Variants in EVA1C observed in about 807,000 individuals in gnomAD.
The protein encoded by EVA1C is eva-1 homolog C.
Under a neutral mutation model 45.4 loss-of-function variants are expected in EVA1C, and 25 were observed. The observed-to-expected ratio is 0.55, with a 90% CI of 0.40 to 0.77. EVA1C has a LOEUF of 0.77. EVA1C is among the 30% of genes least tolerant of loss of function. EVA1C has a pLI of 0.00. For missense variants in EVA1C, 479 were observed against 554.8 expected (o/e 0.86, Z 1.37); for synonymous variants, 190 against 221.2 (o/e 0.86, Z 1.25).
At chr21:32,439,530 C>T (rs1245468239) in intron 1 of EVA1C, among the ~76,000 whole-genome samples, 1 of 152,184 alleles carries the variant, frequency 6.6e-6, no homozygotes, top group Non-Finnish European at 1.5e-5. Flanking sequence ...ATGCTGTGAC[C>T]TTCCCTCATT....
rs140741987 is a variant in EVA1C, at chr21:32,502,201, C to T, written c.859+706C>T. Among the ~76,000 whole-genome samples, 167 of 151,970 alleles carry T rather than the reference C, an allele frequency of 1.1e-3. 1 individual carries two copies. The highest frequency in any genetic ancestry group is 7.1e-3 in the Admixed American group (109 of 15,246). The stretch of plus-strand genomic sequence containing the variant: ...TGCAACCTCTGCCTCCGGGTTCAAG[C>T]GATTCTCCTGCCTCAGCCTCCCAAG... On this transcript the variant is annotated intron_variant, in intron 6 of 7. Coordinates refer to ENST00000300255, the MANE Select transcript of EVA1C (RefSeq NM_058187.5).
chr21:32,447,757 G>A (rs568203045), intron 1 of EVA1C, among the ~76,000 whole-genome samples: 16 of 152,060 alleles, frequency 1.1e-4, no homozygotes, highest in South Asian at 2.1e-4. Flanking sequence ...CTAGCCTGGC[G>A]TGCAATGGCG....
chr21:32,478,232 T>A (rs771065884), intron 4 of EVA1C, among the ~76,000 whole-genome samples: 38 of 151,510 alleles, frequency 2.5e-4, no homozygotes, highest in South Asian at 2.1e-3. Context: ...ATATATATAT[T>A]TTTTGAGACC....
chr21:32,449,126 C>A (rs2035481581), intron 1 of EVA1C, among the ~76,000 whole-genome samples: 2 of 152,180 alleles, frequency 1.3e-5, no homozygotes, highest in African/African-American at 4.8e-5. Flanking sequence ...ACCTGCCACA[C>A]ACATACACAC....
chr21:32,502,282 A>G (rs572114896), intron 6 of EVA1C, among the ~76,000 whole-genome samples: 17 of 152,034 alleles, frequency 1.1e-4, no homozygotes, highest in South Asian at 8.3e-4. Context: ...TGTTTTTAGT[A>G]GAGACGGGGT....
chr21:32,455,395 C>T (rs1201311146), intron 2 of EVA1C, among the ~76,000 whole-genome samples: 1 of 152,146 alleles, frequency 6.6e-6, no homozygotes, highest in Non-Finnish European at 1.5e-5. Context: ...CTTAAAGACT[C>T]CACCTGTTAA....
chr21:32,485,062 G>A (rs945292011), intron 4 of EVA1C, among the ~76,000 whole-genome samples: 6 of 152,064 alleles, frequency 3.9e-5, no homozygotes, highest in African/African-American at 1.2e-4. Flanking sequence ...AGACGCATGC[G>A]TCTTCCTCTG....
chr21:32,459,981 C>A (rs1259530534), intron 3 of EVA1C, among the ~76,000 whole-genome samples: 2 of 151,958 alleles, frequency 1.3e-5, no homozygotes, highest in African/African-American at 2.4e-5. Flanking sequence ...TTGAGAAAAA[C>A]CAGCCTCTAA....
chr21:32,462,170 G>C (rs117739095), intron 3 of EVA1C, among the ~76,000 whole-genome samples: 1,692 of 150,586 alleles, frequency 0.011, 15 homozygotes, highest in Non-Finnish European at 0.018. Flanking sequence ...AGAATCATTT[G>C]AGGCCAGTCA....
intron 1 of EVA1C, among the ~76,000 whole-genome samples, chr21:32,437,248 C>T (rs1257098362): frequency 6.6e-6 from 1 of 152,226 alleles, no homozygotes; most frequent in Non-Finnish European, 1.5e-5. Flanking sequence ...AAGCCAAGCT[C>T]CGGGTCCCTC....
At position 32,495,136 on chromosome 21, in the gene EVA1C, C is replaced by A. The variant is rs200775525; in HGVS notation, c.744C>A (p.Gly248=). The change falls in exon 5 of 8, where the codon GGC becomes GGA. Residue 248 remains glycine, a synonymous_variant. Coordinates refer to ENST00000300255, the MANE Select transcript of EVA1C (RefSeq NM_058187.5). ...ATTTTGGAAGCCCCTGTTTGCCAGG[C>A]GTGAAAAAATACCTCACTGTGACCT... ...NHHFGSPCLP[G]VKKYLTVTYA... The A allele has an allele frequency of 1.9e-6, 3 of 1,613,930 alleles. No homozygotes were observed. The highest frequency in any genetic ancestry group is 1.3e-5 in the African/African-American group (1 of 74,872).
intron 1 of EVA1C, among the ~76,000 whole-genome samples, chr21:32,444,884 GA>G (rs1370596912): frequency 6.7e-6 from 1 of 149,748 alleles, no homozygotes; most frequent in Non-Finnish European, 1.5e-5. Flanking sequence ...GGAAACACGT[GA>G]AAGATCAAAT....
chr21:32,436,663 C>T (rs1002325680), intron 1 of EVA1C, among the ~76,000 whole-genome samples: 2 of 152,290 alleles, frequency 1.3e-5, no homozygotes, highest in Admixed American at 6.5e-5. Flanking sequence ...CAGCATCTCT[C>T]GCAGACTCCG....
intron 1 of EVA1C, among the ~76,000 whole-genome samples, chr21:32,438,761 G>C (rs1387015357): frequency 6.6e-6 from 1 of 152,128 alleles, no homozygotes; most frequent in Non-Finnish European, 1.5e-5. Context: ...CAATGAACTG[G>C]AGGTCAGATT....
At position 32,503,919 on chromosome 21, in the gene EVA1C, G is replaced by A; in HGVS notation, c.860-7G>A. ...GATTAATTGGTCTTGCATTTTTCAT[G>A]AAACAGGTATAAACTTCGACCCAAG... On this transcript the variant is annotated splice_polypyrimidine_tract_variant and splice_region_variant and intron_variant, in intron 6 of 7. Transcript: ENST00000300255. 1.9e-6 allele frequency: 3 copies of A among 1,604,534 alleles called. No individual in the cohort carries two copies. The highest frequency in any genetic ancestry group is 2.6e-6 in the Non-Finnish European group (3 of 1,175,442).
rs1376706865 is a variant in EVA1C at position 32,474,797 on chromosome 21, C to T, written c.634+6949C>T. Among the ~76,000 whole-genome samples the T allele has an allele frequency of 6.6e-6, 1 of 152,228 alleles. No individual in the cohort carries two copies. The highest frequency in any genetic ancestry group is 1.9e-4 in the East Asian group (1 of 5,200). On this transcript the variant is annotated intron_variant, in intron 4 of 7. Transcript: ENST00000300255. This position sits in a 1 kb window ranked among gnomAD's most constrained non-coding sequence, Gnocchi z 4.4. Reference sequence around the variant, plus strand: ...GACTGGGAATGTAGGCCTGGTGTCACAGCTTCCAACCTCATGGGATGCTGG... The same window carrying T: ...GACTGGGAATGTAGGCCTGGTGTCATAGCTTCCAACCTCATGGGATGCTGG...
chr21:32,505,470 T>C (rs2037694521), intron 7 of EVA1C, among the ~76,000 whole-genome samples: 1 of 152,164 alleles, frequency 6.6e-6, no homozygotes, highest in Non-Finnish European at 1.5e-5. Context: ...AGAATAACGA[T>C]TGAAGGGGAA....
At chr21:32,484,154 C>G (rs777164361) in intron 4 of EVA1C, among the ~76,000 whole-genome samples, 1 of 152,164 alleles carries the variant, frequency 6.6e-6, no homozygotes, top group Non-Finnish European at 1.5e-5. Flanking sequence ...CTTTCCTCTA[C>G]CTGCCCAGTC....
At chr21:32,477,123 G>C (rs2036596917) in intron 4 of EVA1C, among the ~76,000 whole-genome samples, 1 of 152,180 alleles carries the variant, frequency 6.6e-6, no homozygotes, top group Admixed American at 6.5e-5. Flanking sequence ...GGTGGGGCCT[G>C]AGGGGACACA....
Sources: gnomAD v4.1 joint callset for allele counts (sites outside exome capture counted in the v4.1 genomes callset) on GRCh38, gnomAD v4.1.1 for gene constraint, Gnocchi (gnomAD v3.1) non-coding constraint, MANE v1.5 for transcripts, NCBI Gene and HGNC (gene_info 2026-07-23, HGNC 2026-07-21) for gene names.